MACROD2: variants seen among roughly 807,000 people sequenced by gnomAD.
MACROD2 encodes mono-ADP ribosylhydrolase 2.
MACROD2 carries 36 observed loss-of-function variants against 70.4 expected under a neutral mutation model. The observed-to-expected ratio is 0.51, with a 90% confidence interval of 0.39 to 0.68. The LOEUF is 0.68. Ranked by LOEUF, MACROD2 falls within the 30% of genes least tolerant of loss-of-function variation. The pLI, the probability that MACROD2 is intolerant of heterozygous loss-of-function variation, is 0.00. For synonymous variants in MACROD2, 172 were observed against 178.8 expected, an observed-to-expected ratio of 0.96 and a Z score of 0.30; for missense variants, 496 against 538.4, an observed-to-expected ratio of 0.92 and a Z score of 0.78.
At chr20:14,811,938 G>T (rs2072717343) in intron 5 of MACROD2, among the ~76,000 whole-genome samples, 1 of 152,124 alleles carries the variant, frequency 6.6e-6, no homozygotes, top group Non-Finnish European at 1.5e-5. Flanking sequence ...ACAGATGCTG[G>T]AGAGGACGTG....
chr20:15,539,322 A>G (rs954763521), intron 8 of MACROD2, among the ~76,000 whole-genome samples: 1 of 152,242 alleles, frequency 6.6e-6, no homozygotes, highest in Non-Finnish European at 1.5e-5. Context: ...GCTTAAGCTG[A>G]CTGTAGGAGG....
chr20:14,369,440 T>C (rs1284507978), intron 3 of MACROD2, among the ~76,000 whole-genome samples: 1 of 152,222 alleles, frequency 6.6e-6, no homozygotes, highest in African/African-American at 2.4e-5. Context: ...CATACTTTTC[T>C]TACTGTTTTT....
chr20:15,751,784 G>A (rs935705469), intron 8 of MACROD2, among the ~76,000 whole-genome samples: 1 of 151,630 alleles, frequency 6.6e-6, no homozygotes, highest in East Asian at 2.0e-4. Context: ...ATGAGAAAGT[G>A]TCATAAAAGT....
chr20:15,231,338 C>A (rs758060248), intron 6 of MACROD2, among the ~76,000 whole-genome samples: 1 of 151,896 alleles, frequency 6.6e-6, no homozygotes. Flanking sequence ...ACCACAAGAC[C>A]AGTTGGTTAA....
At chr20:15,770,100 T>TG (rs2051599589) in intron 8 of MACROD2, among the ~76,000 whole-genome samples, 1 of 98,366 alleles carries the variant, frequency 1.0e-5, no homozygotes, top group Admixed American at 1.0e-4. Context: ...TTTTTTTTTT[T>TG]TTTTTTTTTT....
chr20:15,885,024 A>G (rs1184772141), intron 9 of MACROD2, among the ~76,000 whole-genome samples: 1 of 152,034 alleles, frequency 6.6e-6, no homozygotes, highest in Non-Finnish European at 1.5e-5. Context: ...CCTTCTAATC[A>G]CCATCACCTT....
intron 3 of MACROD2, among the ~76,000 whole-genome samples, chr20:14,237,810 T>C (rs2081891341): frequency 6.6e-6 from 1 of 151,850 alleles, no homozygotes; most frequent in South Asian, 2.1e-4. Flanking sequence ...TTTTTTGTCC[T>C]TGCGATAATT....
intron 8 of MACROD2, among the ~76,000 whole-genome samples, chr20:15,517,984 A>G (rs1477515536): frequency 6.6e-6 from 1 of 152,234 alleles, no homozygotes; most frequent in Non-Finnish European, 1.5e-5. Context: ...GCAGGCACAG[A>G]CCATCAAAAG....
chr20:14,914,494 A>C (rs1448095980), intron 5 of MACROD2, among the ~76,000 whole-genome samples: 1 of 152,178 alleles, frequency 6.6e-6, no homozygotes, highest in Non-Finnish European at 1.5e-5. Context: ...CTTTGGGGCT[A>C]AGGGAAATAA....
chr20:15,278,129 C>T (rs939039169), intron 6 of MACROD2, among the ~76,000 whole-genome samples: 17 of 152,198 alleles, frequency 1.1e-4, no homozygotes, highest in Admixed American at 3.3e-4. Flanking sequence ...ACAAAACATA[C>T]TCTGCCTTTC....
intron 8 of MACROD2, among the ~76,000 whole-genome samples, chr20:15,778,951 T>C (rs2051782785): frequency 1.3e-5 from 2 of 152,064 alleles, no homozygotes; most frequent in African/African-American, 2.4e-5. Flanking sequence ...TTCTATGCAA[T>C]CTAATCAAAG....
intron 3 of MACROD2, among the ~76,000 whole-genome samples, chr20:14,448,302 A>G (rs1568616224): frequency 6.6e-6 from 1 of 152,012 alleles, no homozygotes; most frequent in African/African-American, 2.4e-5. Flanking sequence ...TTTATTACCT[A>G]TGAATGTCCA....
chr20:14,762,184 C>A (rs4814324), intron 5 of MACROD2, among the ~76,000 whole-genome samples: 64,791 of 151,872 alleles, frequency 0.43, 14,839 homozygotes, highest in Non-Finnish European at 0.51. Flanking sequence ...TTGGCAGTCA[C>A]TTTTATGCCC....
chr20:15,230,108 T>A (rs201127972), intron 6 of MACROD2, 47 bp downstream of exon 6: 1 of 1,573,800 alleles, frequency 6.4e-7, no homozygotes, highest in South Asian at 1.1e-5. Context: ...TCAACCTTTA[T>A]GCTTTAGTAA....
chr20:14,723,357 A>G (rs2071491755), intron 5 of MACROD2, among the ~76,000 whole-genome samples: 1 of 152,092 alleles, frequency 6.6e-6, no homozygotes, highest in Non-Finnish European at 1.5e-5. Flanking sequence ...AAGAGAAAAA[A>G]GAGATAAAAC....
chr20:14,528,983 T>A (rs1429131370), intron 4 of MACROD2, among the ~76,000 whole-genome samples: 1 of 152,190 alleles, frequency 6.6e-6, no homozygotes, highest in African/African-American at 2.4e-5. Flanking sequence ...TTTATCCCTA[T>A]ATCTGCATGT....
At chr20:15,454,477 C>T (rs372007875) in intron 7 of MACROD2, among the ~76,000 whole-genome samples, 26 of 150,764 alleles carry the variant, frequency 1.7e-4, no homozygotes, top group African/African-American at 5.4e-4. Flanking sequence ...ACTTAGTTTC[C>T]GGACTGCAAC....
At chr20:14,129,379 T>A (rs1180623947) in intron 3 of MACROD2, among the ~76,000 whole-genome samples, 1 of 152,250 alleles carries the variant, frequency 6.6e-6, no homozygotes, top group Admixed American at 6.5e-5. Context: ...ATGAACTGAA[T>A]TATTTCAATC....
intron 5 of MACROD2, among the ~76,000 whole-genome samples, chr20:15,004,794 T>G (rs1448300485): frequency 6.6e-6 from 1 of 152,246 alleles, no homozygotes; most frequent in East Asian, 1.9e-4. Context: ...GCAACTTATT[T>G]GTCAATTTAG....
Sources: allele counts gnomAD v4.1 joint callset (sites outside exome capture counted in the v4.1 genomes callset), GRCh38; gene constraint gnomAD v4.1.1; transcripts MANE v1.5; gene names NCBI Gene and HGNC (gene_info 2026-07-23, HGNC 2026-07-21).